The following COL5A2 variants were observed in gnomAD, a reference collection of about 807,000 sequenced individuals.
COL5A2 encodes the protein collagen type V alpha 2 chain, also known as collagen alpha-2(V) chain.
Under a neutral mutation model 208.2 loss-of-function variants are expected in COL5A2, and 23 were observed. That is an observed-to-expected ratio of 0.11 (90% CI 0.08 to 0.16). COL5A2 has a LOEUF of 0.16. COL5A2 is among the 10% of genes least tolerant of loss of function. The probability of loss-of-function intolerance (pLI) is 1.00; values close to 1 mark genes in which losing one functional copy is unlikely to be tolerated. For missense variants in COL5A2, 1,590 were observed against 1,956.4 expected, an observed-to-expected ratio of 0.81 and a Z score of 3.53; for synonymous variants, 625 against 628.5, an observed-to-expected ratio of 0.99 and a Z score of 0.08.
intron 1 of COL5A2, among the ~76,000 whole-genome samples, chr2:189,144,557 ATATAT>A (rs975767978): frequency 5.8e-4 from 88 of 151,610 alleles, no homozygotes; most frequent in African/African-American, 1.9e-3. Flanking sequence ...TGTTATATGT[ATATAT>A]TATATTTATA....
the COL5A2 span, among the ~76,000 whole-genome samples, chr2:189,235,805 C>T: frequency 1.3e-5 from 2 of 151,630 alleles, no homozygotes; most frequent in Non-Finnish European, 2.9e-5. Flanking sequence ...TATCCCTAGA[C>T]AAGGCTGCAC....
chr2:189,070,751 T>G (rs751297406), intron 18 of COL5A2, among the ~76,000 whole-genome samples: 10 of 152,010 alleles, frequency 6.6e-5, no homozygotes, highest in Admixed American at 3.3e-4. Context: ...AGGGAAGGGA[T>G]TTTGCATGTT....
At chr2:189,397,461 A>G in the COL5A2 span, among the ~76,000 whole-genome samples, 1 of 152,192 alleles carries the variant, frequency 6.6e-6, no homozygotes, top group Non-Finnish European at 1.5e-5. Context: ...TTAAGGTAAG[A>G]CTGAATCCTA....
intron 3 of COL5A2, among the ~76,000 whole-genome samples, chr2:189,101,734 C>T (rs1294139456): frequency 1.3e-5 from 2 of 151,950 alleles, no homozygotes; most frequent in Admixed American, 6.6e-5. Flanking sequence ...GTTGCTGATT[C>T]TAATGTTGAA....
At chr2:189,383,394 T>G in the COL5A2 span, among the ~76,000 whole-genome samples, 4 of 152,162 alleles carry the variant, frequency 2.6e-5, no homozygotes, top group Non-Finnish European at 4.4e-5. Flanking sequence ...GGATTTCACC[T>G]TTAATGTCCC....
At chr2:189,287,416 A>T in the COL5A2 span, among the ~76,000 whole-genome samples, 2 of 151,948 alleles carry the variant, frequency 1.3e-5, no homozygotes, top group African/African-American at 4.8e-5. Flanking sequence ...AGGATCAGCG[A>T]CTTGGAAGGT....
chr2:189,037,612 G>A (rs922270009), intron 51 of COL5A2, among the ~76,000 whole-genome samples: 1 of 152,072 alleles, frequency 6.6e-6, no homozygotes, highest in Admixed American at 6.5e-5. Context: ...CTCTTCTCTA[G>A]GTCATATTGG....
chr2:189,233,975 T>A, the COL5A2 span, among the ~76,000 whole-genome samples: 1 of 151,870 alleles, frequency 6.6e-6, no homozygotes, highest in South Asian at 2.1e-4. Context: ...TTTTAATGAT[T>A]GTTTTATTTT....
At chr2:189,377,533 C>T in the COL5A2 span, among the ~76,000 whole-genome samples, 2 of 152,182 alleles carry the variant, frequency 1.3e-5, no homozygotes, top group Admixed American at 1.3e-4. Context: ...TCAATAAAAA[C>T]ATTTTGAATG....
chr2:189,106,264 A>G (rs1256847732), intron 2 of COL5A2, among the ~76,000 whole-genome samples: 3 of 151,472 alleles, frequency 2.0e-5, no homozygotes, highest in Non-Finnish European at 4.4e-5. Flanking sequence ...TAGGACATTC[A>G]GTCTTTTAAA....
chr2:189,310,776 A>G, the COL5A2 span, among the ~76,000 whole-genome samples: 1 of 152,162 alleles, frequency 6.6e-6, no homozygotes, highest in African/African-American at 2.4e-5. Flanking sequence ...ACTTGCAACA[A>G]CATGGATGGA....
intron 17 of COL5A2, among the ~76,000 whole-genome samples, chr2:189,072,468 T>C (rs943541210): frequency 6.6e-6 from 1 of 152,158 alleles, no homozygotes; most frequent in African/African-American, 2.4e-5. Context: ...TCTATAAAAA[T>C]GATGCTTAAG....
intron 30 of COL5A2, 58 bp downstream of exon 30, chr2:189,061,502 TAA>T (rs369656754): frequency 8.4e-5 from 84 of 994,744 alleles, no homozygotes; most frequent in Admixed American, 1.0e-4. Flanking sequence ...TCTTTTTTTT[TAA>T]AAAAAAAAAG....
intron 1 of COL5A2, among the ~76,000 whole-genome samples, chr2:189,121,643 A>C (rs1287014937): frequency 6.8e-6 from 1 of 147,120 alleles, no homozygotes. Context: ...AGCATTTTTC[A>C]GGAGAATGGC....
chr2:189,275,744 C>A, the COL5A2 span, among the ~76,000 whole-genome samples: 96 of 152,220 alleles, frequency 6.3e-4, 1 homozygote, highest in African/African-American at 2.0e-3. Flanking sequence ...AGCCACTGCA[C>A]CCGTCCTAAT....
chr2:189,228,955 A>G (rs747832212), upstream of COL5A2, among the ~76,000 whole-genome samples: 35 of 151,892 alleles, frequency 2.3e-4, no homozygotes, highest in Non-Finnish European at 4.7e-4. Flanking sequence ...TAAAAGGATC[A>G]CACTATGACC....
At chr2:189,308,103 C>T in the COL5A2 span, among the ~76,000 whole-genome samples, 1 of 151,798 alleles carries the variant, frequency 6.6e-6, no homozygotes. Context: ...CAGATTTGGG[C>T]AATAAACTGG....
intron 7 of COL5A2, among the ~76,000 whole-genome samples, chr2:189,089,683 T>C (rs990138262): frequency 6.6e-6 from 1 of 152,216 alleles, no homozygotes; most frequent in African/African-American, 2.4e-5. Context: ...GTTCACTCTG[T>C]GTCTCTGTGT....
At chr2:189,298,680 A>T in the COL5A2 span, among the ~76,000 whole-genome samples, 1 of 152,174 alleles carries the variant, frequency 6.6e-6, no homozygotes, top group African/African-American at 2.4e-5. Flanking sequence ...AATCCCAGCC[A>T]GTTTCTCCTT....
Sources: allele counts gnomAD v4.1 joint callset (sites outside exome capture counted in the v4.1 genomes callset), GRCh38; gene constraint gnomAD v4.1.1; transcripts MANE v1.5; gene names NCBI Gene and HGNC (gene_info 2026-07-23, HGNC 2026-07-21).